The following MINAR1 variants were observed in gnomAD, a reference collection of about 807,000 sequenced individuals.
MINAR1 encodes the protein membrane integral NOTCH2 associated receptor 1.
Under a neutral mutation model 65.1 loss-of-function variants are expected in MINAR1, and 40 were observed. The ratio of observed to expected loss-of-function variants is 0.61; its 90% CI spans 0.48 to 0.80. The LOEUF is 0.80. MINAR1 is among the 30% of genes least tolerant of loss of function. MINAR1 has a pLI of 0.00. For missense variants in MINAR1, 1,128 were observed against 1,148.0 expected, an observed-to-expected ratio of 0.98 and a Z score of 0.25; for synonymous variants, 482 against 449.1, an observed-to-expected ratio of 1.07 and a Z score of -0.93.
chr15:79,429,238 G>A (rs747482496), upstream of MINAR1, among the ~76,000 whole-genome samples: 1 of 152,100 alleles, frequency 6.6e-6, no homozygotes, highest in Non-Finnish European at 1.5e-5. Context: ...AATTTATTAG[G>A]TTTCATAATC....
the MINAR1 span, chr15:79,419,052 A>T: frequency 6.6e-6 from 1 of 152,212 alleles, no homozygotes; most frequent in African/African-American, 2.4e-5. Flanking sequence ...TTCTAAAGGA[A>T]CACATCGACC....
chr15:79,414,949 CT>C, the MINAR1 span: 1 of 152,252 alleles, frequency 6.6e-6, no homozygotes, highest in Non-Finnish European at 1.5e-5. Context: ...AAATGCAGAG[CT>C]TTCCAGCAAG....
chr15:79,434,984 A>C (rs1461482625), intron 1 of MINAR1, among the ~76,000 whole-genome samples: 1 of 152,210 alleles, frequency 6.6e-6, no homozygotes, highest in Non-Finnish European at 1.5e-5. Context: ...TCTTTTATAA[A>C]AGGTAAGTGG....
At chr15:79,460,403 G>A (rs1238329019) in intron 2 of MINAR1, among the ~76,000 whole-genome samples, 1 of 152,186 alleles carries the variant, frequency 6.6e-6, no homozygotes, top group African/African-American at 2.4e-5. Flanking sequence ...CATTCTGGGA[G>A]GGGTGAGGAT....
At chr15:79,452,951 G>A (rs1330801418) in intron 1 of MINAR1, among the ~76,000 whole-genome samples, 1 of 151,512 alleles carries the variant, frequency 6.6e-6, no homozygotes, top group Non-Finnish European at 1.5e-5. Context: ...GAGTGTATGG[G>A]TGAGTCTGTG....
At chr15:79,453,573 A>C (rs1895312834) in intron 1 of MINAR1, among the ~76,000 whole-genome samples, 1 of 152,008 alleles carries the variant, frequency 6.6e-6, no homozygotes, top group Non-Finnish European at 1.5e-5. Flanking sequence ...TTTTCAATCC[A>C]TCTCTGCTCT....
Position 79,432,388 on chromosome 15 carries a change from C to T in MINAR1, c.-203C>T, listed in dbSNP as rs1894466585. The T allele has an allele frequency of 6.6e-6, 1 of 152,304 alleles. No homozygotes were observed. The highest frequency in any genetic ancestry group is 2.1e-4 in the South Asian group (1 of 4,840). The allele number at this position is 152,304 out of a possible 1,614,324, so 9.4% of individuals were successfully genotyped here. Reference sequence around the variant, plus strand: ...AAGTCGCTCCATCCGCGGGGTGCAACCCTGGGCGCGGAATCCGGGCTGCCG... The same window carrying T: ...AAGTCGCTCCATCCGCGGGGTGCAATCCTGGGCGCGGAATCCGGGCTGCCG... On this transcript the variant is annotated 5_prime_UTR_variant, in exon 1 of 4. Coordinates refer to ENST00000305428, the MANE Select transcript of MINAR1 (RefSeq NM_015206.3).
chr15:79,428,131 G>A (rs1894352605), upstream of MINAR1, among the ~76,000 whole-genome samples: 2 of 152,080 alleles, frequency 1.3e-5, no homozygotes, highest in Admixed American at 1.3e-4. Context: ...TAGATGCCAA[G>A]ATGAAAGTCC....
In MINAR1 at chr15:79,471,431, T is replaced by G. The variant is rs1412427777; in HGVS notation, c.*3047T>G. ...GCCTTGCAGAAAAGCAAAAAATATT[T>G]CCCCGCTCAAATTTTGCCGACATTT... On this transcript the variant is annotated 3_prime_UTR_variant, in exon 4 of 4. Transcript: ENST00000305428. The G allele has an allele frequency of 6.6e-6, 1 of 152,608 alleles. No homozygotes were observed. Among genetic ancestry groups the G allele is most frequent in the African/African-American group, 2.4e-5 (1 of 41,438 alleles). The allele number at this position is 152,608 out of a possible 1,614,324, so 9.5% of individuals were successfully genotyped here. A position where few individuals can be genotyped will look rare whatever the true frequency, so the allele number is the denominator to read the frequency against.
At position 79,456,257 on chromosome 15, in the gene MINAR1, G is replaced by C. The variant is rs146939320; in HGVS notation, c.110G>C (p.Arg37Pro). The C allele has an allele frequency of 1.2e-6, 2 of 1,614,076 alleles. No individual in the cohort carries two copies. Among genetic ancestry groups the C allele is most frequent in the Non-Finnish European group, 8.5e-7 (1 of 1,180,020 alleles). ...YQDLCKSLCA[R>P]FDLSQLAKLR... ...GACCTGTGCAAATCTCTCTGTGCCC[G>C]GTTCGACCTGTCGCAGCTTGCCAAA... Residue 37 changes from arginine to proline, a missense_variant, in exon 2 of 4, where the codon CGG (arginine) becomes CCG (proline). Physicochemically the swap from Arg to Pro is moderately radical, Grantham distance 103. Coordinates refer to ENST00000305428, the MANE Select transcript of MINAR1 (RefSeq NM_015206.3).
At chr15:79,455,310 T>C (rs1003673575) in intron 1 of MINAR1, among the ~76,000 whole-genome samples, 1 of 152,246 alleles carries the variant, frequency 6.6e-6, no homozygotes, top group Non-Finnish European at 1.5e-5. Flanking sequence ...ACCATTATGA[T>C]CTTATACAGA....
chr15:79,432,623 G>A (rs1361041175), intron 1 of MINAR1, 83 bp downstream of exon 1: 1 of 150,868 alleles, frequency 6.6e-6, no homozygotes, highest in Non-Finnish European at 1.5e-5. Flanking sequence ...GTGTGCCCGC[G>A]GCTCGGTGCA....
At chr15:79,454,475 G>A (rs1025512374) in intron 1 of MINAR1, among the ~76,000 whole-genome samples, 1 of 152,190 alleles carries the variant, frequency 6.6e-6, no homozygotes, top group Non-Finnish European at 1.5e-5. Context: ...AATTTTCTAA[G>A]CAGTATGCGA....
the MINAR1 span, chr15:79,415,360 G>A: frequency 6.6e-6 from 1 of 152,224 alleles, no homozygotes; most frequent in African/African-American, 2.4e-5. Flanking sequence ...GAGACCATAT[G>A]TCATTTCTAA....
chr15:79,458,418 T>C lies in MINAR1; in HGVS notation c.2271T>C (p.Asn757=). 1 of 1,609,992 alleles carries C rather than the reference T, an allele frequency of 6.2e-7. No individual in the cohort carries two copies. Among genetic ancestry groups the C allele is most frequent in the Non-Finnish European group, 8.5e-7 (1 of 1,178,270 alleles). The change falls in exon 2 of 4, where the codon AAT becomes AAC. Residue 757 remains asparagine (N), a synonymous_variant. Transcript: ENST00000305428. ...TAAAAGACACAGGCCCAGGAGATAA[T>C]AAAGACTGGCATCGGAAATCTAAAG... ...EEIKDTGPGD[N]KDWHRKSKEA...
intron 1 of MINAR1, among the ~76,000 whole-genome samples, chr15:79,447,525 A>G (rs1379888320): frequency 1.3e-5 from 2 of 151,914 alleles, no homozygotes; most frequent in Non-Finnish European, 2.9e-5. Context: ...GCTGATTCTT[A>G]CTCATTGAGT....
intron 1 of MINAR1, among the ~76,000 whole-genome samples, chr15:79,451,443 A>G (rs1038826740): frequency 1.3e-5 from 2 of 152,042 alleles, no homozygotes; most frequent in Non-Finnish European, 2.9e-5. Context: ...GGCGTGGGTG[A>G]GCAGGACTGC....
chr15:79,456,398 C>G lies in MINAR1; in HGVS notation c.251C>G (p.Ala84Gly). ...CAGCAATCAAAGAAAATCATGGTGG[C>G]AGCAGATATTGTGACGATATTCAAC... ...NNQQSKKIMV[A>G]ADIVTIFNLI... is the part of the protein sequence containing the mutation. The change falls in exon 2 of 4, where the codon GCA becomes GGA. Residue 84 changes from alanine to glycine, a missense_variant. Ala to Gly is a moderately conservative substitution (Grantham distance 60, BLOSUM62 0). Transcript: ENST00000305428. 6.2e-7 allele frequency: 1 copy of G among 1,614,158 alleles called. No homozygotes were observed. Among genetic ancestry groups the G allele is most frequent in the South Asian group, 1.1e-5 (1 of 91,072 alleles).
chr15:79,420,950 G>A, the MINAR1 span: 16 of 152,414 alleles, frequency 1.0e-4, no homozygotes, highest in East Asian at 2.5e-3. Flanking sequence ...ACATGGTGAC[G>A]ATACTCAGAA....
Sources: gnomAD v4.1 joint callset for allele counts (sites outside exome capture counted in the v4.1 genomes callset) on GRCh38, gnomAD v4.1.1 for gene constraint, MANE v1.5 for transcripts, NCBI Gene and HGNC (gene_info 2026-07-23, HGNC 2026-07-21) for gene names.